Variants in ADGRG6 observed in about 807,000 individuals in gnomAD.
ADGRG6 encodes the protein G-protein coupled receptor 126.
ADGRG6 carries 84 observed loss-of-function variants against 142.4 expected under a neutral mutation model. The ratio of observed to expected loss-of-function variants is 0.59; its 90% confidence interval spans 0.49 to 0.71. The LOEUF (loss-of-function observed/expected upper bound fraction) is 0.71, where lower values mean the gene tolerates loss of function less well. ADGRG6 is among the 30% of genes least tolerant of loss of function. The pLI is 0.00. For missense variants in ADGRG6, 1,367 were observed against 1,466.6 expected (o/e 0.93, Z 1.11); for synonymous variants, 521 against 520.5 (o/e 1.00, Z -0.01).
chr6:142,431,081 A>T (rs954811861), intron 22 of ADGRG6, among the ~76,000 whole-genome samples: 15 of 149,064 alleles, frequency 1.0e-4, no homozygotes, highest in African/African-American at 3.5e-4. Context: ...AACATTTTCA[A>T]TTCACAATTA....
At chr6:142,408,120 T>G (rs1775901278) in intron 15 of ADGRG6, 30 bp from the exon 16 acceptor site, 2 of 1,518,372 alleles carry the variant, frequency 1.3e-6, no homozygotes, top group Admixed American at 4.2e-5. Flanking sequence ...TACTTCTGAC[T>G]GATACACGCG....
At chr6:142,325,678 A>C (rs112272067) in intron 2 of ADGRG6, among the ~76,000 whole-genome samples, 29 of 152,262 alleles carry the variant, frequency 1.9e-4, no homozygotes, top group African/African-American at 7.0e-4. Flanking sequence ...TGAATTATTT[A>C]GAAACATGAT....
intron 2 of ADGRG6, among the ~76,000 whole-genome samples, chr6:142,360,891 C>G (rs1780678010): frequency 6.6e-6 from 1 of 152,060 alleles, no homozygotes; most frequent in East Asian, 1.9e-4. Flanking sequence ...TTCCTGACCT[C>G]GTGATTCACC....
intron 22 of ADGRG6, among the ~76,000 whole-genome samples, chr6:142,434,355 C>T (rs1256116930): frequency 1.3e-5 from 2 of 151,200 alleles, no homozygotes; most frequent in East Asian, 1.9e-4. Context: ...GACGGAGTCT[C>T]GCACTGTCAC....
Position 142,400,822 on chromosome 6 carries a change from G to C in ADGRG6, c.1679+226G>C, listed in dbSNP as rs1775481255. 4 of 434,490 alleles carry C rather than the reference G, an allele frequency of 9.2e-6. No homozygotes were observed. The South Asian group carries it at 1.5e-4, about 16-fold the overall frequency. 26.9% of individuals were successfully genotyped at this position (434,490 alleles called of 1,614,324 possible). On this transcript the variant is annotated intron_variant, in intron 11 of 24. Coordinates refer to ENST00000367609, the MANE Select transcript of ADGRG6 (RefSeq NM_198569.3). ...CACATGCTAATCAAGCCCTTTCACAGAAAAACTGAAGAGTTTAGAAGCCAG... is the reference window on the plus strand; with the variant it reads ...CACATGCTAATCAAGCCCTTTCACACAAAAACTGAAGAGTTTAGAAGCCAG...
chr6:142,383,988 A>G (rs1262416284), intron 6 of ADGRG6, 145 bp downstream of exon 6: 4 of 593,134 alleles, frequency 6.7e-6, no homozygotes, highest in Non-Finnish European at 1.2e-5. Context: ...AGTAAAATTA[A>G]TAAAGATCAC....
chr6:142,400,613 C>T lies in ADGRG6; in HGVS notation c.1679+17C>T, dbSNP rs1387588311. ...TCGGATATGGTAATATTTTCACTGA[C>T]TCTTGCCAGCAAAGCTACATGTTAT... On this transcript the variant is annotated intron_variant, in intron 11 of 24. Coordinates refer to ENST00000367609, the MANE Select transcript of ADGRG6 (RefSeq NM_198569.3). 6 of 1,243,582 alleles carry T rather than the reference C, an allele frequency of 4.8e-6. No individual in the cohort carries two copies. The highest frequency in any genetic ancestry group is 5.9e-6 in the Non-Finnish European group (5 of 844,848). 77.0% of individuals were successfully genotyped at this position (1,243,582 alleles called of 1,614,324 possible). A position where few individuals can be genotyped will look rare whatever the true frequency, so the allele number is the denominator to read the frequency against.
At chr6:142,365,561 T>C (rs1780907553) in intron 2 of ADGRG6, among the ~76,000 whole-genome samples, 1 of 152,146 alleles carries the variant, frequency 6.6e-6, no homozygotes, top group Non-Finnish European at 1.5e-5. Flanking sequence ...CTCTGAATAG[T>C]GCTACAAAGC....
intron 18 of ADGRG6, 90 bp downstream of exon 18, chr6:142,411,501 T>A (rs1776085890): frequency 1.3e-6 from 1 of 747,354 alleles, no homozygotes; most frequent in African/African-American, 1.7e-5. Flanking sequence ...TTATGTATTT[T>A]GGGAATTATT....
Position 142,405,976 on chromosome 6 carries a change from G to A in ADGRG6, c.2268+148G>A, listed in dbSNP as rs1287600656. 5.5e-6 allele frequency: 3 copies of A among 542,586 alleles called. No homozygotes were observed. The African/African-American group carries it at 5.8e-5, about 11-fold the overall frequency. 33.6% of individuals were successfully genotyped at this position (542,586 alleles called of 1,614,324 possible). The stretch of plus-strand genomic sequence containing the variant: ...AAAACTGAAAATTTTTAATATAATT[G>A]TTTAAATATTTTATTTCAGATAATA... On this transcript the variant is annotated intron_variant, in intron 15 of 24. Transcript: ENST00000367609.
At chr6:142,383,964 A>T in intron 6 of ADGRG6, 121 bp downstream of exon 6, 1 of 612,014 alleles carries the variant, frequency 1.6e-6, no homozygotes, top group East Asian at 2.8e-5. Context: ...GTACATTTGT[A>T]GGTTTACAAG....
chr6:142,340,962 T>A (rs2114718166), intron 2 of ADGRG6, among the ~76,000 whole-genome samples: 1 of 152,118 alleles, frequency 6.6e-6, no homozygotes, highest in Non-Finnish European at 1.5e-5. Flanking sequence ...GCATAGAAAA[T>A]AATAGTCTCA....
At chr6:142,342,482 C>A (rs1377025759) in intron 2 of ADGRG6, among the ~76,000 whole-genome samples, 1 of 151,968 alleles carries the variant, frequency 6.6e-6, no homozygotes, top group Non-Finnish European at 1.5e-5. Flanking sequence ...AAGATTCCTG[C>A]CATTAACTTA....
intron 2 of ADGRG6, among the ~76,000 whole-genome samples, chr6:142,339,619 G>A (rs565011151): frequency 2.0e-5 from 3 of 152,192 alleles, no homozygotes; most frequent in East Asian, 1.9e-4. Context: ...TCAAAGCTAG[G>A]TTCATGCAGT....
chr6:142,357,839 T>C (rs1473593685), intron 2 of ADGRG6, among the ~76,000 whole-genome samples: 9 of 152,136 alleles, frequency 5.9e-5, no homozygotes, highest in African/African-American at 2.2e-4. Flanking sequence ...AAAAGAAAAC[T>C]GGACATGAAA....
chr6:142,392,568 A>G (rs1156522034), intron 7 of ADGRG6, among the ~76,000 whole-genome samples: 1 of 151,966 alleles, frequency 6.6e-6, no homozygotes, highest in Non-Finnish European at 1.5e-5. Flanking sequence ...TATGAGGGCT[A>G]GAGAGGAAAT....
intron 6 of ADGRG6, among the ~76,000 whole-genome samples, chr6:142,384,861 T>C (rs191735572): frequency 7.7e-4 from 117 of 152,186 alleles, no homozygotes; most frequent in African/African-American, 2.5e-3. Flanking sequence ...AACATAGATA[T>C]AAATTTCAGT....
At chr6:142,319,046 T>C (rs1056518137) in intron 2 of ADGRG6, among the ~76,000 whole-genome samples, 2 of 152,162 alleles carry the variant, frequency 1.3e-5, no homozygotes, top group African/African-American at 2.4e-5. Flanking sequence ...GGGCACTCAA[T>C]GAAAAAATTG....
chr6:142,383,792 A>G lies in ADGRG6; in HGVS notation c.1171A>G (p.Thr391Ala). 6.3e-7 allele frequency: 1 copy of G among 1,577,184 alleles called. No homozygotes were observed. The highest frequency in any genetic ancestry group is 8.7e-7 in the Non-Finnish European group (1 of 1,147,012). ...AAACTCTCCTAGTACTACACCACCCACTGTCACCACTAACATGCCTGTTAC... is the reference window on the plus strand; with the variant it reads ...AAACTCTCCTAGTACTACACCACCCGCTGTCACCACTAACATGCCTGTTAC... ...TVNSPSTTPP[T>A]VTTNMPVTNR... Residue 391 changes from threonine (T) to alanine (A), a missense_variant, in exon 6 of 25, where the codon ACT (threonine) becomes GCT (alanine). Thr to Ala is a moderately conservative substitution (Grantham distance 58). This residue lies in a region of ADGRG6 where 737 missense variants were observed against 746.5 expected (regional missense o/e 0.99). Coordinates refer to ENST00000367609, the MANE Select transcript of ADGRG6 (RefSeq NM_198569.3).
Sources: gnomAD v4.1 joint callset for allele counts (sites outside exome capture counted in the v4.1 genomes callset) on GRCh38, gnomAD v4.1.1 for gene constraint, gnomAD v4.1.1 regional missense constraint, MANE v1.5 for transcripts, NCBI Gene and HGNC (gene_info 2026-07-23, HGNC 2026-07-21) for gene names.